Variants in ANKRD36 observed in about 807,000 individuals in gnomAD.
The protein encoded by ANKRD36 is ankyrin repeat domain 36, also known as ankyrin repeat domain-containing protein 36A.
Under a neutral mutation model 278.1 loss-of-function variants are expected in ANKRD36, and 179 were observed. That is an observed-to-expected ratio of 0.64 (90% CI 0.57 to 0.73). The LOEUF is 0.73. Among genes scored for constraint, ANKRD36 ranks in the 30% least tolerant of loss-of-function variants. The pLI, the probability that ANKRD36 is intolerant of heterozygous loss-of-function variation, is 0.00. For missense variants in ANKRD36, 1,159 were observed against 1,956.7 expected, an observed-to-expected ratio of 0.59 and a Z score of 7.69; for synonymous variants, 320 against 641.1, an observed-to-expected ratio of 0.50 and a Z score of 7.57.
At chr2:97,206,191 C>T (rs1053725474) in intron 52 of ANKRD36, 56 bp downstream of exon 52, 5 of 1,461,732 alleles carry the variant, frequency 3.4e-6, no homozygotes, top group Non-Finnish European at 4.6e-6. Context: ...AAGAAGTTCT[C>T]TTCCCCAAGT....
intron 22 of ANKRD36, among the ~76,000 whole-genome samples, chr2:97,179,046 C>CT (rs922471696): frequency 6.6e-6 from 1 of 151,344 alleles, no homozygotes; most frequent in Admixed American, 6.6e-5. Context: ...ATTTATTACA[C>CT]TTTTTGATGA....
At chr2:97,228,179 T>C (rs1576389132) in intron 67 of ANKRD36, among the ~76,000 whole-genome samples, 1 of 152,116 alleles carries the variant, frequency 6.6e-6, no homozygotes, top group Admixed American at 6.5e-5. Context: ...TTCCCTCTTT[T>C]TCTATTGATT....
In ANKRD36 at chr2:97,188,992, C is replaced by A; in HGVS notation, c.2144-95C>A. 9.6e-6 allele frequency: 6 copies of A among 624,632 alleles called. 3 individuals carry two copies. Among genetic ancestry groups the A allele is most frequent in the South Asian group, 2.8e-5 (2 of 70,958 alleles). 38.7% of individuals were successfully genotyped at this position (624,632 alleles called of 1,614,324 possible). A position where few individuals can be genotyped will look rare whatever the true frequency, so the allele number is the denominator to read the frequency against. ...ACATCAGAGCCTACACTAGTACAGG[C>A]AGAAGGATACAGCTGGATGCTAACA... On this transcript the variant is annotated intron_variant, in intron 32 of 75. Coordinates refer to ENST00000420699, the MANE Select transcript of ANKRD36 (RefSeq NM_001354587.1).
intron 46 of ANKRD36, 118 bp from the exon 47 acceptor site, chr2:97,202,084 A>G: frequency 6.4e-6 from 10 of 1,556,476 alleles, no homozygotes; most frequent in Non-Finnish European, 8.6e-6. Flanking sequence ...AGTAGAAGCC[A>G]TGAAGGCCTA....
At chr2:97,165,981 T>C (rs1417285023) in intron 20 of ANKRD36, among the ~76,000 whole-genome samples, 1 of 152,040 alleles carries the variant, frequency 6.6e-6, no homozygotes, top group Admixed American at 6.6e-5. Context: ...TGTTGCTGCA[T>C]TGAGCAGAGA....
intron 67 of ANKRD36, among the ~76,000 whole-genome samples, chr2:97,228,050 G>A (rs1227932667): frequency 1.7e-4 from 26 of 152,072 alleles, no homozygotes; most frequent in East Asian, 2.0e-4. Context: ...ATATTTTATC[G>A]AGGATTTTTG....
chr2:97,197,144 A>C (rs1435904471), intron 42 of ANKRD36, among the ~76,000 whole-genome samples: 1 of 151,936 alleles, frequency 6.6e-6, no homozygotes, highest in African/African-American at 2.4e-5. Flanking sequence ...CTCACATCAT[A>C]CTGCTAAAAA....
intron 6 of ANKRD36, among the ~76,000 whole-genome samples, chr2:97,136,065 G>A (rs1377578151): frequency 2.0e-5 from 3 of 151,446 alleles, no homozygotes; most frequent in Non-Finnish European, 4.4e-5. Flanking sequence ...ATAGTGATCA[G>A]GGTGTGATTA....
chr2:97,209,754 C>G, intron 55 of ANKRD36, 45 bp downstream of exon 55: 2 of 1,566,634 alleles, frequency 1.3e-6, no homozygotes, highest in Non-Finnish European at 1.7e-6. Flanking sequence ...AACGTATAGC[C>G]TATGAAAGAT....
At chr2:97,214,182 C>T (rs1178000520) in intron 60 of ANKRD36, among the ~76,000 whole-genome samples, 1 of 146,208 alleles carries the variant, frequency 6.8e-6, no homozygotes, top group Non-Finnish European at 1.5e-5. Context: ...AGCATATTTG[C>T]ATAAAGAAGA....
At position 97,215,658 on chromosome 2, in the gene ANKRD36, G is replaced by C. The variant is rs1354106762; in HGVS notation, c.3673+161G>C. 4 of 1,538,976 alleles carry C rather than the reference G, an allele frequency of 2.6e-6. No homozygotes were observed. The Admixed American group carries it at 7.9e-5, about 30-fold the overall frequency. On this transcript the variant is annotated intron_variant, in intron 62 of 75. Coordinates refer to ENST00000420699, the MANE Select transcript of ANKRD36 (RefSeq NM_001354587.1). ...GTCCTCAGGTGACCCTGATGGTGCT[G>C]GTCCTTGACCATGATCTGAGTAGTA...
chr2:97,151,237 G>C (rs199766993), intron 12 of ANKRD36, among the ~76,000 whole-genome samples: 728 of 121,488 alleles, frequency 6.0e-3, no homozygotes, highest in East Asian at 0.02. Context: ...CTATTGTCAG[G>C]ATACTTAGTT....
intron 40 of ANKRD36, among the ~76,000 whole-genome samples, chr2:97,195,318 T>C (rs1168814036): frequency 6.6e-6 from 1 of 151,944 alleles, no homozygotes; most frequent in Non-Finnish European, 1.5e-5. Context: ...ATAGACACTG[T>C]AGAAGGAGAA....
In ANKRD36 at chr2:97,200,358, T is replaced by A. The variant is rs372336403; in HGVS notation, c.2780T>A (p.Leu927Ter). 3 of 1,606,072 alleles carry A rather than the reference T, an allele frequency of 1.9e-6. No individual in the cohort carries two copies. The highest frequency in any genetic ancestry group is 2.7e-5 in the African/African-American group (2 of 74,664). ...GTGTCTTCTCGGAAAAAACCATCCT[T>A]GGAGGTAATGAAACTCTCATTCATA... ...KRVSSRKKPS[L>*]EATSDEKDSF... The change falls in exon 45 of 76, where the codon TTG becomes TAG. Residue 927 changes from leucine (L) to a stop codon, truncating the protein, a stop_gained. Coordinates refer to ENST00000420699, the MANE Select transcript of ANKRD36 (RefSeq NM_001354587.1). LOFTEE classifies it high-confidence loss of function.
chr2:97,217,240 A>G (rs2066189016), intron 63 of ANKRD36, 35 bp downstream of exon 63: 6 of 1,547,866 alleles, frequency 3.9e-6, no homozygotes, highest in Non-Finnish European at 5.2e-6. Context: ...TGAATTATTT[A>G]TTGCATAGCC....
chr2:97,197,588 G>A lies in ANKRD36; in HGVS notation c.2653+800G>A, dbSNP rs191179025. On this transcript the variant is annotated intron_variant, in intron 42 of 75. Coordinates refer to ENST00000420699, the MANE Select transcript of ANKRD36 (RefSeq NM_001354587.1). Reference sequence around the variant, plus strand: ...AGCTATTTCATGAAACTTCTTTAGCGAATGACATGATACTCCCAACAAGCC... The same window carrying A: ...AGCTATTTCATGAAACTTCTTTAGCAAATGACATGATACTCCCAACAAGCC... Among the ~76,000 whole-genome samples the A allele has an allele frequency of 3.8e-4, 58 of 151,968 alleles. No homozygotes were observed. The East Asian group carries it at 1.0e-2, about 26-fold the overall frequency.
chr2:97,149,380 A>T lies in ANKRD36; in HGVS notation c.1101+19A>T, dbSNP rs1281506963. On this transcript the variant is annotated intron_variant, in intron 12 of 75. Coordinates refer to ENST00000420699, the MANE Select transcript of ANKRD36 (RefSeq NM_001354587.1). The stretch of plus-strand genomic sequence containing the variant: ...ATCTGAGGTAGAGTACTCTCTTGTG[A>T]AATTAATTTTCTCCCTCTGAATCTC... 6.6e-7 allele frequency: 1 copy of T among 1,505,928 alleles called. No homozygotes were observed. Among genetic ancestry groups the T allele is most frequent in the Non-Finnish European group, 8.8e-7 (1 of 1,132,700 alleles). 93.3% of individuals were successfully genotyped at this position (1,505,928 alleles called of 1,614,324 possible).
At chr2:97,164,830 C>T (rs1228551417) in intron 20 of ANKRD36, among the ~76,000 whole-genome samples, 2 of 152,196 alleles carry the variant, frequency 1.3e-5, no homozygotes, top group Admixed American at 1.3e-4. Flanking sequence ...AAAAGCTATA[C>T]CTGCTGACTT....
Position 97,183,222 on chromosome 2 carries a change from A to G in ANKRD36, c.1838-237A>G, listed in dbSNP as rs2056670037. On this transcript the variant is annotated intron_variant, in intron 26 of 75. Coordinates refer to ENST00000420699, the MANE Select transcript of ANKRD36 (RefSeq NM_001354587.1). The stretch of plus-strand genomic sequence containing the variant: ...TTGACACTTTTTATTTCAGTAATAC[A>G]CACATGATGCATAATACCTCTTTGT... 1.3e-5 allele frequency among the ~76,000 whole-genome samples: 2 copies of G among 151,734 alleles called. 1 individual carries two copies. Among genetic ancestry groups the G allele is most frequent in the Admixed American group, 1.3e-4 (2 of 15,152 alleles).
Sources: gnomAD v4.1 joint callset for allele counts (sites outside exome capture counted in the v4.1 genomes callset) on GRCh38, gnomAD v4.1.1 for gene constraint, MANE v1.5 for transcripts, NCBI Gene and HGNC (gene_info 2026-07-23, HGNC 2026-07-21) for gene names.